The following EIF4G3 variants were observed in gnomAD, a reference collection of about 807,000 sequenced individuals.
EIF4G3 encodes the protein eukaryotic translation initiation factor 4 gamma 3.
Under a neutral mutation model 186.4 loss-of-function variants are expected in EIF4G3, and 34 were observed. The observed-to-expected ratio is 0.18, with a 90% CI of 0.14 to 0.24. The LOEUF is 0.24. Among genes scored for constraint, EIF4G3 ranks in the 10% least tolerant of loss-of-function variants. The pLI is 1.00. For missense variants in EIF4G3, 1,536 were observed against 1,948.5 expected (o/e 0.79, Z 3.99); for synonymous variants, 673 against 679.5 (o/e 0.99, Z 0.15).
intron 3 of EIF4G3, among the ~76,000 whole-genome samples, chr1:21,075,922 C>A: frequency 6.6e-6 from 1 of 152,130 alleles, no homozygotes. Flanking sequence ...ATCCCACTCT[C>A]AGCATTGGAC....
Position 20,973,065 on chromosome 1 carries a change from C to G in EIF4G3, c.528G>C (p.Gln176His). 2.5e-6 allele frequency: 4 copies of G among 1,610,966 alleles called. No homozygotes were observed. The highest frequency in any genetic ancestry group is 3.4e-6 in the Non-Finnish European group (4 of 1,179,252). ...GCGTAGGCACTATGATAGGTGCTGA[C>G]TGATACACCGGCTGACTTGGGTAAA... ...TPFYPSQPVYQSAPIIVPTQQ... is the reference protein window; with the variant it reads ...TPFYPSQPVYHSAPIIVPTQQ... The change falls in exon 11 of 37, where the codon CAG (glutamine) becomes CAC (histidine). Residue 176 changes from glutamine (Q) to histidine (H), a missense_variant. Physicochemically the swap from Gln to His is conservative, Grantham distance 24. Transcript: ENST00000602326.
At chr1:20,994,628 CT>C (rs3081939) in intron 7 of EIF4G3, among the ~76,000 whole-genome samples, 3,358 of 124,406 alleles carry the variant, frequency 0.027, 51 homozygotes, top group African/African-American at 0.062. Flanking sequence ...AACATATATA[CT>C]TTTTTTTTTT....
chr1:21,154,782 T>C (rs940793813), intron 2 of EIF4G3, among the ~76,000 whole-genome samples: 3 of 152,338 alleles, frequency 2.0e-5, no homozygotes, highest in African/African-American at 7.2e-5. Flanking sequence ...TCTCTCCATC[T>C]ATATATCTCT....
At chr1:21,092,467 T>TG (rs1161749819) in intron 2 of EIF4G3, among the ~76,000 whole-genome samples, 1 of 152,182 alleles carries the variant, frequency 6.6e-6, no homozygotes, top group African/African-American at 2.4e-5. Flanking sequence ...TGTCAGGCTT[T>TG]GGTATCAGGA....
At chr1:21,143,772 A>G (rs2097384141) in intron 2 of EIF4G3, among the ~76,000 whole-genome samples, 1 of 152,154 alleles carries the variant, frequency 6.6e-6, no homozygotes, top group Non-Finnish European at 1.5e-5. Context: ...TATTTTTTAA[A>G]TTACCTGGGT....
intron 12 of EIF4G3, among the ~76,000 whole-genome samples, chr1:20,952,007 A>G (rs17451202): frequency 0.027 from 4,172 of 152,322 alleles, 88 homozygotes; most frequent in Non-Finnish European, 0.038. Context: ...ACATAGGTAT[A>G]TAGCCACAAA....
At chr1:21,173,283 G>A (rs1002280804) in intron 2 of EIF4G3, among the ~76,000 whole-genome samples, 7 of 151,352 alleles carry the variant, frequency 4.6e-5, no homozygotes, top group Non-Finnish European at 1.0e-4. Flanking sequence ...TGCAACTTCT[G>A]CCTCGTGGGT....
chr1:20,981,032 C>A lies in EIF4G3; in HGVS notation c.378+16G>T. The A allele has an allele frequency of 6.6e-7, 1 of 1,515,282 alleles. No individual in the cohort carries two copies. Among genetic ancestry groups the A allele is most frequent in the Non-Finnish European group, 8.9e-7 (1 of 1,122,554 alleles). The allele number at this position is 1,515,282 out of a possible 1,614,324, so 93.9% of individuals were successfully genotyped here. A position where few individuals can be genotyped will look rare whatever the true frequency, so the allele number is the denominator to read the frequency against. ...CACTCTATTGCTGGACCACCTAGGC[C>A]TCAAAGATACTTTACCTGTGGTATA... On this transcript the variant is annotated intron_variant, in intron 9 of 36. Coordinates refer to ENST00000602326, the MANE Select transcript of EIF4G3 (RefSeq NM_001391906.1).
chr1:21,006,695 G>T (rs2085170904), intron 4 of EIF4G3, among the ~76,000 whole-genome samples: 1 of 152,112 alleles, frequency 6.6e-6, no homozygotes, highest in Admixed American at 6.5e-5. Context: ...CTCTAATGAT[G>T]ATGTTAAAAA....
At chr1:21,150,767 G>A (rs113543820) in intron 2 of EIF4G3, among the ~76,000 whole-genome samples, 15,298 of 152,154 alleles carry the variant, frequency 0.1, 1,000 homozygotes, top group East Asian at 0.26. Flanking sequence ...ACCTGAGGTC[G>A]GGAGTTCGAG....
At chr1:21,021,991 T>C (rs2090834152) in intron 4 of EIF4G3, among the ~76,000 whole-genome samples, 1 of 152,190 alleles carries the variant, frequency 6.6e-6, no homozygotes, top group Non-Finnish European at 1.5e-5. Context: ...AATACGTAAA[T>C]TTCTATTTCA....
chr1:20,892,824 C>G, intron 18 of EIF4G3: 1 of 850,364 alleles, frequency 1.2e-6, no homozygotes, highest in Non-Finnish European at 1.8e-6. Context: ...GGAATCTTAT[C>G]AAGGTTGGCT....
chr1:20,998,613 C>T (rs2082812302), intron 6 of EIF4G3, among the ~76,000 whole-genome samples: 1 of 152,052 alleles, frequency 6.6e-6, no homozygotes, highest in Non-Finnish European at 1.5e-5. Context: ...AACAATTCAC[C>T]AGGCCAAATT....
intron 16 of EIF4G3, among the ~76,000 whole-genome samples, chr1:20,898,299 G>A (rs2089073815): frequency 6.6e-6 from 1 of 151,866 alleles, no homozygotes; most frequent in African/African-American, 2.4e-5. Flanking sequence ...AAAGCAGCCT[G>A]GGCAACATAG....
At chr1:20,934,806 T>C (rs930551944) in intron 14 of EIF4G3, among the ~76,000 whole-genome samples, 1 of 152,148 alleles carries the variant, frequency 6.6e-6, no homozygotes, top group Non-Finnish European at 1.5e-5. Context: ...ACAGATTTTG[T>C]ACAGGGTAGC....
At chr1:20,897,424 A>G (rs78105916) in intron 16 of EIF4G3, among the ~76,000 whole-genome samples, 1 of 151,312 alleles carries the variant, frequency 6.6e-6, no homozygotes, top group Non-Finnish European at 1.5e-5. Flanking sequence ...AAAAAAAAAA[A>G]GCAAAAGGAC....
intron 3 of EIF4G3, among the ~76,000 whole-genome samples, chr1:21,062,459 A>G (rs1450889824): frequency 1.3e-5 from 2 of 152,244 alleles, no homozygotes; most frequent in African/African-American, 4.8e-5. Context: ...TCAGAATTTC[A>G]AAATATAGGC....
intron 20 of EIF4G3, among the ~76,000 whole-genome samples, chr1:20,874,832 T>C (rs10916892): frequency 0.32 from 48,356 of 152,108 alleles, 8,410 homozygotes; most frequent in Non-Finnish European, 0.39. Flanking sequence ...GGTTAGCTTT[T>C]CAAATTTAGA....
At chr1:21,040,979 T>C (rs11810176) in intron 4 of EIF4G3, among the ~76,000 whole-genome samples, 13,676 of 152,142 alleles carry the variant, frequency 0.09, 867 homozygotes, top group East Asian at 0.26. Flanking sequence ...TTTCCCTTTT[T>C]TTGGTCTATA....
Sources: gnomAD v4.1 joint callset for allele counts (sites outside exome capture counted in the v4.1 genomes callset) on GRCh38, gnomAD v4.1.1 for gene constraint, MANE v1.5 for transcripts, NCBI Gene and HGNC (gene_info 2026-07-23, HGNC 2026-07-21) for gene names.